The following SLC22A3 variants were observed in gnomAD, a reference collection of about 807,000 sequenced individuals.
SLC22A3 encodes EMT organic cation transporter 3.
A neutral mutation model predicts 59.1 loss-of-function variants in SLC22A3; 51 were observed. The ratio of observed to expected loss-of-function variants is 0.86; its 90% CI spans 0.69 to 1.09. The LOEUF is 1.09. Ranked by LOEUF, SLC22A3 falls within the 50% of genes least tolerant of loss-of-function variation. SLC22A3 has a pLI of 0.00. For synonymous variants in SLC22A3, 325 were observed against 292.0 expected, an observed-to-expected ratio of 1.11 and a Z score of -1.15; for missense variants, 711 against 726.3, an observed-to-expected ratio of 0.98 and a Z score of 0.24.
chr6:160,448,862 A>G (rs1267689222), intron 10 of SLC22A3, among the ~76,000 whole-genome samples: 1 of 152,216 alleles, frequency 6.6e-6, no homozygotes, highest in Non-Finnish European at 1.5e-5. Flanking sequence ...TTTCTTTAAA[A>G]ATTAGAACAC....
intron 1 of SLC22A3, among the ~76,000 whole-genome samples, chr6:160,382,608 C>T (rs1465780559): frequency 6.6e-6 from 1 of 152,104 alleles, no homozygotes; most frequent in African/African-American, 2.4e-5. Context: ...AGGCCCTGTC[C>T]TCTGATATAT....
In SLC22A3 at chr6:160,437,052, G is replaced by A. The variant is rs374936760; in HGVS notation, c.1129G>A (p.Gly377Ser). ...GLVMRLGIIG[G>S]NLYIDFFISG... ...TGTCATGCGCCTGGGAATTATAGGG[G>A]GCAACCTCTATATAGACTTTTTCAT... Residue 377 changes from glycine to serine, a missense_variant, in exon 7 of 11, where the codon GGC (glycine) becomes AGC (serine). Transcript: ENST00000275300. The A allele has an allele frequency of 2.6e-5, 42 of 1,614,010 alleles. No individual in the cohort carries two copies. The South Asian group carries it at 2.7e-4, about 11-fold the overall frequency.
intron 2 of SLC22A3, among the ~76,000 whole-genome samples, chr6:160,401,415 G>GA (rs1002844930): frequency 6.6e-6 from 1 of 151,084 alleles, no homozygotes; most frequent in South Asian, 2.1e-4. Context: ...AAAGTGTCAA[G>GA]AAAAAAAATC....
intron 1 of SLC22A3, among the ~76,000 whole-genome samples, chr6:160,355,748 G>C (rs1462014317): frequency 1.3e-5 from 2 of 152,048 alleles, no homozygotes; most frequent in Non-Finnish European, 2.9e-5. Flanking sequence ...CTCCAGCCTG[G>C]GCGACAGTTA....
At chr6:160,449,764 A>C (rs191345519) in intron 10 of SLC22A3, among the ~76,000 whole-genome samples, 1 of 152,312 alleles carries the variant, frequency 6.6e-6, no homozygotes, top group Non-Finnish European at 1.5e-5. Flanking sequence ...CTGAGAAATA[A>C]AAAGAGTACA....
At chr6:160,396,851 T>A (rs941381975) in intron 1 of SLC22A3, among the ~76,000 whole-genome samples, 2 of 152,176 alleles carry the variant, frequency 1.3e-5, no homozygotes, top group Non-Finnish European at 2.9e-5. Flanking sequence ...TTTTAAAAAT[T>A]AAATGTCAAT....
At chr6:160,356,131 C>T (rs1314905015) in intron 1 of SLC22A3, among the ~76,000 whole-genome samples, 1 of 152,240 alleles carries the variant, frequency 6.6e-6, no homozygotes, top group East Asian at 1.9e-4. Context: ...GAGATTAACC[C>T]AGGCCCTCTA....
chr6:160,408,851 T>A lies in SLC22A3; in HGVS notation c.787T>A (p.Phe263Ile). The A allele has an allele frequency of 6.2e-7, 1 of 1,613,828 alleles. No homozygotes were observed. ...CATAATTCTCCCTGGAATTGCCTAC[T>A]TCATCCCCAACTGGCAAGGAATCCA... ...GIIILPGIAY[F>I]IPNWQGIQLA... Residue 263 changes from phenylalanine to isoleucine, a missense_variant, in exon 4 of 11, where the codon TTC becomes ATC. Coordinates refer to ENST00000275300, the MANE Select transcript of SLC22A3 (RefSeq NM_021977.4).
At chr6:160,398,115 C>G (rs1468286881) in intron 2 of SLC22A3, 33 bp downstream of exon 2, 2 of 1,420,334 alleles carry the variant, frequency 1.4e-6, no homozygotes, top group Non-Finnish European at 2.0e-6. Context: ...TTTTATGTCA[C>G]TATAATACCA....
intron 1 of SLC22A3, among the ~76,000 whole-genome samples, chr6:160,358,789 G>T (rs576230859): frequency 6.6e-6 from 1 of 152,202 alleles, no homozygotes; most frequent in African/African-American, 2.4e-5. Flanking sequence ...CTAGTCTGGG[G>T]TTGCTGGATG....
intron 1 of SLC22A3, among the ~76,000 whole-genome samples, chr6:160,387,857 G>A (rs1786084991): frequency 6.6e-6 from 1 of 152,170 alleles, no homozygotes; most frequent in Non-Finnish European, 1.5e-5. Context: ...TGGAGATAAT[G>A]TCTATTACCT....
intron 1 of SLC22A3, among the ~76,000 whole-genome samples, chr6:160,363,695 G>A (rs531301572): frequency 1.3e-5 from 2 of 152,256 alleles, no homozygotes; most frequent in South Asian, 4.1e-4. Flanking sequence ...GTTTCCAAGC[G>A]CCTGCATGTC....
At chr6:160,441,173 G>C (rs1788522792) in intron 7 of SLC22A3, among the ~76,000 whole-genome samples, 1 of 152,058 alleles carries the variant, frequency 6.6e-6, no homozygotes, top group Non-Finnish European at 1.5e-5. Flanking sequence ...CTGCAGCCCG[G>C]GAGTGGCAGG....
At chr6:160,420,224 A>G (rs1032173851) in intron 5 of SLC22A3, among the ~76,000 whole-genome samples, 1 of 152,162 alleles carries the variant, frequency 6.6e-6, no homozygotes, top group Non-Finnish European at 1.5e-5. Context: ...TGGAAATTCA[A>G]TTTAAAGGTG....
At chr6:160,389,247 T>G (rs1306164319) in intron 1 of SLC22A3, among the ~76,000 whole-genome samples, 1 of 152,172 alleles carries the variant, frequency 6.6e-6, no homozygotes, top group Non-Finnish European at 1.5e-5. Context: ...AGCCATTTTT[T>G]TGTCTTGTAT....
rs952065923 is a variant in SLC22A3 at position 160,399,989 on chromosome 6, C to A, written c.533+1907C>A. On this transcript the variant is annotated intron_variant, in intron 2 of 10. Coordinates refer to ENST00000275300, the MANE Select transcript of SLC22A3 (RefSeq NM_021977.4). ...GAGAGCCAGGGTAGATAAACATGAA[C>A]TGTAATTGATGAATTCCTGGAGGAT... Among the ~76,000 whole-genome samples the A allele has an allele frequency of 4.0e-5, 6 of 151,180 alleles. No homozygotes were observed. In the South Asian group the frequency reaches 6.2e-4, roughly 16 times the overall value.
chr6:160,430,393 T>G (rs1359595818), intron 5 of SLC22A3, among the ~76,000 whole-genome samples: 2 of 152,180 alleles, frequency 1.3e-5, no homozygotes, highest in Non-Finnish European at 2.9e-5. Context: ...CGTGGGGAGC[T>G]CTGAACACCA....
At chr6:160,353,409 G>C (rs486359) in intron 1 of SLC22A3, among the ~76,000 whole-genome samples, 76,229 of 151,978 alleles carry the variant, frequency 0.5, 19,438 homozygotes, top group African/African-American at 0.59. Flanking sequence ...AAAGATACAC[G>C]AGTCTTTCTC....
In SLC22A3 at chr6:160,360,318, C is replaced by T. The variant is rs909949422; in HGVS notation, c.429+11470C>T. Reference sequence around the variant, plus strand: ...ACTAAATATACAAAAATTAGCCAGCCGTGATGGCAGGCTCCTGTAATCCCA... The same window carrying T: ...ACTAAATATACAAAAATTAGCCAGCTGTGATGGCAGGCTCCTGTAATCCCA... On this transcript the variant is annotated intron_variant, in intron 1 of 10. Coordinates refer to ENST00000275300, the MANE Select transcript of SLC22A3 (RefSeq NM_021977.4). Among the ~76,000 whole-genome samples, 8 of 152,164 alleles carry T rather than the reference C, an allele frequency of 5.3e-5. No individual in the cohort carries two copies. The East Asian group carries it at 9.7e-4, about 18-fold the overall frequency.
Sources: gnomAD v4.1 joint callset for allele counts (sites outside exome capture counted in the v4.1 genomes callset) on GRCh38, gnomAD v4.1.1 for gene constraint, MANE v1.5 for transcripts, NCBI Gene and HGNC (gene_info 2026-07-23, HGNC 2026-07-21) for gene names.